The following NKAIN2 variants were observed in gnomAD, a reference collection of about 807,000 sequenced individuals.
NKAIN2 encodes sodium/potassium-transporting ATPase subunit beta-1-interacting protein 2.
NKAIN2 carries 14 observed loss-of-function variants against 32.6 expected under a neutral mutation model. The observed-to-expected ratio is 0.43, with a 90% confidence interval of 0.28 to 0.67. NKAIN2 has a LOEUF of 0.67. Among genes scored for constraint, NKAIN2 ranks in the 30% least tolerant of loss-of-function variants. NKAIN2 has a pLI of 0.17. For missense variants in NKAIN2, 198 were observed against 258.3 expected, an observed-to-expected ratio of 0.77 and a Z score of 1.60; for synonymous variants, 80 against 87.2, an observed-to-expected ratio of 0.92 and a Z score of 0.46.
chr6:124,247,762 T>C (rs1319020053), intron 1 of NKAIN2, among the ~76,000 whole-genome samples: 1 of 152,164 alleles, frequency 6.6e-6, no homozygotes, highest in East Asian at 1.9e-4. Flanking sequence ...TCTTTGTGGA[T>C]TAAGTTATAT....
intron 4 of NKAIN2, among the ~76,000 whole-genome samples, chr6:124,674,818 T>G (rs529068565): frequency 6.6e-6 from 1 of 152,028 alleles, no homozygotes; most frequent in Non-Finnish European, 1.5e-5. Flanking sequence ...TTATTCTTTC[T>G]TCTTTTCTGA....
At chr6:124,577,887 G>C (rs1023553577) in intron 3 of NKAIN2, among the ~76,000 whole-genome samples, 1 of 152,102 alleles carries the variant, frequency 6.6e-6, no homozygotes, top group Non-Finnish European at 1.5e-5. Flanking sequence ...GTAGGACAGA[G>C]CACCAGGCAG....
At chr6:124,194,756 T>C (rs1790230161) in intron 1 of NKAIN2, among the ~76,000 whole-genome samples, 1 of 152,190 alleles carries the variant, frequency 6.6e-6, no homozygotes, top group Non-Finnish European at 1.5e-5. Context: ...AGAGGACTTC[T>C]AGTTTACTAC....
Position 124,082,552 on chromosome 6 carries a change from A to T in NKAIN2, c.55-200453A>T, listed in dbSNP as rs184787623. On this transcript the variant is annotated intron_variant, in intron 1 of 6. Transcript: ENST00000368417. The stretch of plus-strand genomic sequence containing the variant: ...CATTCATTGAGAAATAGAAATGTAG[A>T]CTTAAAATTTTTAAAAAAACATTTA... Among the ~76,000 whole-genome samples, 5 of 152,108 alleles carry T rather than the reference A, an allele frequency of 3.3e-5. No individual in the cohort carries two copies. In the East Asian group the frequency reaches 9.6e-4, roughly 29 times the overall value.
chr6:124,415,697 C>T (rs1003807014), intron 3 of NKAIN2, among the ~76,000 whole-genome samples: 2 of 152,048 alleles, frequency 1.3e-5, no homozygotes, highest in African/African-American at 4.8e-5. Context: ...CCTGAAGCTA[C>T]CTAGGAGGTG....
intron 3 of NKAIN2, among the ~76,000 whole-genome samples, chr6:124,577,408 C>A (rs1781373253): frequency 6.6e-6 from 1 of 152,016 alleles, no homozygotes; most frequent in South Asian, 2.1e-4. Context: ...GGACAGAAGG[C>A]ACAGTGATTG....
At chr6:124,157,128 A>AT in intron 1 of NKAIN2, among the ~76,000 whole-genome samples, 1 of 145,016 alleles carries the variant, frequency 6.9e-6, no homozygotes, top group African/African-American at 2.5e-5. Flanking sequence ...AAAAAAAAAA[A>AT]GGTGACCTAA....
intron 3 of NKAIN2, among the ~76,000 whole-genome samples, chr6:124,575,272 G>A (rs188314862): frequency 9.9e-5 from 15 of 152,182 alleles, no homozygotes; most frequent in Admixed American, 9.2e-4. Flanking sequence ...TCTCTTAGCT[G>A]TCTGAAAATC....
At chr6:123,897,285 C>G (rs1774333117) in intron 1 of NKAIN2, among the ~76,000 whole-genome samples, 1 of 152,158 alleles carries the variant, frequency 6.6e-6, no homozygotes, top group Non-Finnish European at 1.5e-5. Flanking sequence ...CTGTTTGCTA[C>G]TTATTCCCAC....
intron 4 of NKAIN2, among the ~76,000 whole-genome samples, chr6:124,713,799 A>G (rs1775616257): frequency 6.6e-6 from 1 of 152,216 alleles, no homozygotes; most frequent in African/African-American, 2.4e-5. Context: ...AATATTTCCA[A>G]TTATCAGAAC....
intron 1 of NKAIN2, among the ~76,000 whole-genome samples, chr6:124,275,023 G>A (rs1235303520): frequency 1.3e-5 from 2 of 151,982 alleles, no homozygotes; most frequent in Non-Finnish European, 2.9e-5. Context: ...AGTTAACTTT[G>A]TGTTACTTTT....
intron 4 of NKAIN2, among the ~76,000 whole-genome samples, chr6:124,673,405 A>G (rs1773199586): frequency 6.6e-6 from 1 of 152,112 alleles, no homozygotes; most frequent in African/African-American, 2.4e-5. Flanking sequence ...CTAAATATCC[A>G]AAAGTGAAAT....
intron 1 of NKAIN2, among the ~76,000 whole-genome samples, chr6:124,170,351 T>A (rs1251710761): frequency 6.6e-6 from 1 of 152,214 alleles, no homozygotes; most frequent in Non-Finnish European, 1.5e-5. Context: ...TCCAGAGATA[T>A]TTGTTGAATG....
Position 124,680,591 on chromosome 6 carries a change from C to G in NKAIN2, c.474+22205C>G, listed in dbSNP as rs556968696. Among the ~76,000 whole-genome samples the G allele has an allele frequency of 3.3e-5, 5 of 152,086 alleles. No homozygotes were observed. In the South Asian group the frequency reaches 1.0e-3, roughly 32 times the overall value. The stretch of plus-strand genomic sequence containing the variant: ...GTATTTGGCTATCAGGTGGCTCTCC[C>G]TGAACATACAAATTAAAATATATTT... On this transcript the variant is annotated intron_variant, in intron 4 of 6. Coordinates refer to ENST00000368417, the MANE Select transcript of NKAIN2 (RefSeq NM_001040214.3).
At chr6:124,234,464 CA>C (rs991343636) in intron 1 of NKAIN2, among the ~76,000 whole-genome samples, 9 of 152,086 alleles carry the variant, frequency 5.9e-5, no homozygotes, top group Non-Finnish European at 4.4e-5. Context: ...GGCACATTTT[CA>C]AGTGCTAAAT....
At chr6:124,339,371 A>T (rs933983143) in intron 2 of NKAIN2, among the ~76,000 whole-genome samples, 1 of 152,024 alleles carries the variant, frequency 6.6e-6, no homozygotes, top group Non-Finnish European at 1.5e-5. Flanking sequence ...CAACAACAAA[A>T]ACTGCAGAAA....
At chr6:124,388,330 C>T (rs760562635) in intron 3 of NKAIN2, among the ~76,000 whole-genome samples, 6 of 151,956 alleles carry the variant, frequency 3.9e-5, no homozygotes, top group African/African-American at 7.2e-5. Context: ...GAAACCTCTA[C>T]GGTGGTGGTT....
At chr6:124,420,478 A>G (rs141427938) in intron 3 of NKAIN2, among the ~76,000 whole-genome samples, 1 of 152,326 alleles carries the variant, frequency 6.6e-6, no homozygotes, top group Admixed American at 6.5e-5. Flanking sequence ...AGAATTAAGT[A>G]TAATCACAAA....
chr6:123,828,092 G>A (rs1265424256), intron 1 of NKAIN2, among the ~76,000 whole-genome samples: 1 of 151,962 alleles, frequency 6.6e-6, no homozygotes, highest in African/African-American at 2.4e-5. Context: ...TTTAACCTTT[G>A]TGGTCCTGCT....
Sources: gnomAD v4.1 joint callset for allele counts (sites outside exome capture counted in the v4.1 genomes callset) on GRCh38, gnomAD v4.1.1 for gene constraint, MANE v1.5 for transcripts, NCBI Gene and HGNC (gene_info 2026-07-23, HGNC 2026-07-21) for gene names.